Variants in CFAP57 observed in about 807,000 individuals in gnomAD.
CFAP57 encodes cilia and flagella associated protein 57, also known as cilia- and flagella-associated protein 57.
Under a neutral mutation model 146.8 loss-of-function variants are expected in CFAP57, and 116 were observed. The ratio of observed to expected loss-of-function variants is 0.79; its 90% confidence interval spans 0.68 to 0.92. CFAP57 has a LOEUF of 0.92. Among genes scored for constraint, CFAP57 ranks in the 40% least tolerant of loss-of-function variants. The probability of loss-of-function intolerance (pLI) is 0.00; values close to 1 mark genes in which losing one functional copy is unlikely to be tolerated. For synonymous variants in CFAP57, 518 were observed against 552.8 expected, an observed-to-expected ratio of 0.94 and a Z score of 0.88; for missense variants, 1,377 against 1,527.2, an observed-to-expected ratio of 0.90 and a Z score of 1.64.
chr1:43,234,705 G>A (rs1645620113), intron 21 of CFAP57, 67 bp downstream of exon 21: 2 of 1,491,478 alleles, frequency 1.3e-6, no homozygotes, highest in African/African-American at 1.4e-5. Flanking sequence ...CCCATCAAGG[G>A]TCCCTCTGAG....
intron 21 of CFAP57, 128 bp from the exon 22 acceptor site, chr1:43,243,099 A>G: frequency 2.7e-6 from 3 of 1,099,258 alleles, no homozygotes; most frequent in Non-Finnish European, 3.7e-6. Flanking sequence ...GCCCCAATAG[A>G]GGATCCAGAG....
At chr1:43,243,032 A>G (rs1645985982) in intron 21 of CFAP57, among the ~76,000 whole-genome samples, 195 bp from the exon 22 acceptor site, 1 of 152,124 alleles carries the variant, frequency 6.6e-6, no homozygotes, top group Non-Finnish European at 1.5e-5. Context: ...AGTCTACCCG[A>G]AAGTAAGTTA....
chr1:43,172,844 A>G lies in CFAP57; in HGVS notation c.91A>G (p.Ile31Val), dbSNP rs769131596. ...CTTCTACTTCGATGAACAGATCATT[A>G]TATTTCCTTCAGGAAATCACTGTGT... is the stretch of plus-strand genomic sequence containing the variant. ...NIFYFDEQII[I>V]FPSGNHCVKY... is the part of the protein sequence containing the mutation. The change falls in exon 2 of 23, where the codon ATA (isoleucine) becomes GTA (valine). Residue 31 changes from isoleucine to valine, a missense_variant. By Grantham distance (29) the Ile-to-Val change is conservative. Transcript: ENST00000372492. The G allele has an allele frequency of 5.6e-6, 9 of 1,614,012 alleles. No individual in the cohort carries two copies. Among genetic ancestry groups the G allele is most frequent in the Admixed American group, 5.0e-5 (3 of 60,010 alleles).
rs375252765 is a variant in CFAP57, at chr1:43,183,572, A to G, written c.475-19A>G. On this transcript the variant is annotated intron_variant, in intron 3 of 22. Transcript: ENST00000372492. Reference sequence around the variant, plus strand: ...ATAGTTTCATAAATTTTTTTCTTCAATTCTCTCACATTTTACAGGTGAGCT... The same window carrying G: ...ATAGTTTCATAAATTTTTTTCTTCAGTTCTCTCACATTTTACAGGTGAGCT... 3 of 1,612,672 alleles carry G rather than the reference A, an allele frequency of 1.9e-6. No individual in the cohort carries two copies. Among genetic ancestry groups the G allele is most frequent in the African/African-American group, 2.7e-5 (2 of 74,886 alleles).
chr1:43,224,420 G>A (rs548698501), intron 17 of CFAP57, among the ~76,000 whole-genome samples: 1 of 152,332 alleles, frequency 6.6e-6, no homozygotes, highest in African/African-American at 2.4e-5. Flanking sequence ...CAGGGGGCCT[G>A]AGAACCCAGT....
chr1:43,212,258 A>G (rs1644648629), intron 11 of CFAP57, among the ~76,000 whole-genome samples: 1 of 152,152 alleles, frequency 6.6e-6, no homozygotes, highest in Non-Finnish European at 1.5e-5. Flanking sequence ...ATCCCCACAA[A>G]GATCTCCATC....
chr1:43,172,402 G>C lies in CFAP57; in HGVS notation c.-71G>C, dbSNP rs755261363. 1.3e-6 allele frequency: 2 copies of C among 1,551,380 alleles called. No homozygotes were observed. Among genetic ancestry groups the C allele is most frequent in the South Asian group, 1.2e-5 (1 of 84,052 alleles). ...GTCCGGGTTGCTTAGGATCCCTACA[G>C]GTAGCGCCTCTGGATACATGCGTGG... is the stretch of plus-strand genomic sequence containing the variant. On this transcript the variant is annotated 5_prime_UTR_variant, in exon 1 of 23. Transcript: ENST00000372492.
At position 43,238,116 on chromosome 1, in the gene CFAP57, C is replaced by T. The variant is rs1380362935; in HGVS notation, c.3405+3478C>T. ...AACGGAGAAGGATTCCAGGATGGCT[C>T]ATTTGTGCAGTTAGGCAGATGGTGA... is the stretch of plus-strand genomic sequence containing the variant. On this transcript the variant is annotated intron_variant, in intron 21 of 22. Coordinates refer to ENST00000372492, the MANE Select transcript of CFAP57 (RefSeq NM_001378189.1). This position sits in a 1 kb window ranked among gnomAD's most constrained non-coding sequence, Gnocchi z 4.3. Among the ~76,000 whole-genome samples, 7 of 152,122 alleles carry T rather than the reference C, an allele frequency of 4.6e-5. No homozygotes were observed. The highest frequency in any genetic ancestry group is 4.6e-4 in the Admixed American group (7 of 15,290).
rs548730468 is a variant in CFAP57, at chr1:43,210,194, C to T, written c.1929+278C>T. 268 of 1,529,534 alleles carry T rather than the reference C, an allele frequency of 1.8e-4. 3 individuals are homozygous for T. In the South Asian group the frequency reaches 2.6e-3, roughly 15 times the overall value. The allele number at this position is 1,529,534 out of a possible 1,614,324, so 94.7% of individuals were successfully genotyped here. A position where few individuals can be genotyped will look rare whatever the true frequency, so the allele number is the denominator to read the frequency against. ...TAATAAGGGGCCGTTTGGTGGATGC[C>T]GTAGCTGCCGTGAGTGTGGGCTGCA... On this transcript the variant is annotated intron_variant, in intron 11 of 22. Transcript: ENST00000372492.
At position 43,222,256 on chromosome 1, in the gene CFAP57, C is replaced by G; in HGVS notation, c.2493C>G (p.Tyr831Ter). 2 of 1,472,642 alleles carry G rather than the reference C, an allele frequency of 1.4e-6. No homozygotes were observed. Among genetic ancestry groups the G allele is most frequent in the Non-Finnish European group, 1.8e-6 (2 of 1,107,686 alleles). 91.2% of individuals were successfully genotyped at this position (1,472,642 alleles called of 1,614,324 possible). Residue 831 changes from tyrosine (Y) to a stop codon, truncating the protein, a stop_gained, in exon 15 of 23, where the codon TAC (tyrosine) becomes TAG (stop). Coordinates refer to ENST00000372492, the MANE Select transcript of CFAP57 (RefSeq NM_001378189.1). LOFTEE classifies it high-confidence loss of function. ...SQALEELTEF[Y>*]EAKLQEKTTL... is the part of the protein sequence containing the mutation. ...CCCTGGAGGAGCTGACTGAGTTTTA[C>G]GAGGCAAAACTGCAGGAGAAAACCA... is the stretch of plus-strand genomic sequence containing the variant.
chr1:43,211,670 G>C (rs1644621726), intron 11 of CFAP57: 1 of 151,350 alleles, frequency 6.6e-6, no homozygotes, highest in African/African-American at 2.4e-5. Context: ...ATAAAATTAA[G>C]ATCATACTGT....
At chr1:43,202,201 T>C (rs1328037638) in intron 9 of CFAP57, among the ~76,000 whole-genome samples, 1 of 152,166 alleles carries the variant, frequency 6.6e-6, no homozygotes, top group East Asian at 1.9e-4. Flanking sequence ...TAAATACATA[T>C]ACTGTGTTAG....
chr1:43,229,061 G>A (rs1645367056), intron 18 of CFAP57, among the ~76,000 whole-genome samples: 1 of 148,896 alleles, frequency 6.7e-6, no homozygotes, highest in Non-Finnish European at 1.5e-5. Flanking sequence ...TGGGGTGGAG[G>A]GCACCAACGT....
intron 17 of CFAP57, 117 bp downstream of exon 17, chr1:43,224,321 G>C (rs1645160553): frequency 8.2e-7 from 1 of 1,218,024 alleles, no homozygotes; most frequent in Non-Finnish European, 1.1e-6. Context: ...TAACTTGATG[G>C]GGGAACCAGC....
intron 21 of CFAP57, among the ~76,000 whole-genome samples, chr1:43,235,294 A>G (rs1308232502): frequency 1.3e-5 from 2 of 152,124 alleles, no homozygotes; most frequent in Non-Finnish European, 2.9e-5. Context: ...GCCTCCACAC[A>G]GGCACGTTAT....
intron 2 of CFAP57, among the ~76,000 whole-genome samples, chr1:43,176,398 G>A (rs561638546): frequency 2.6e-5 from 4 of 152,286 alleles, no homozygotes; most frequent in African/African-American, 7.2e-5. Context: ...GGGTATTACC[G>A]GTGAAGGGAA....
intron 9 of CFAP57, among the ~76,000 whole-genome samples, chr1:43,206,133 T>C (rs912395896): frequency 3.3e-5 from 5 of 152,060 alleles, no homozygotes; most frequent in African/African-American, 1.2e-4. Context: ...GCTTATTATT[T>C]TTATTTTTAT....
At chr1:43,222,421 C>G (rs893235299) in intron 15 of CFAP57, 126 bp downstream of exon 15, 56 of 810,942 alleles carry the variant, frequency 6.9e-5, no homozygotes, top group Middle Eastern at 7.9e-4. Flanking sequence ...TGGTTTCTAC[C>G]CCCAAGGAAC....
At chr1:43,226,776 T>C (rs1557806569) in intron 17 of CFAP57, among the ~76,000 whole-genome samples, 1 of 152,216 alleles carries the variant, frequency 6.6e-6, no homozygotes, top group Non-Finnish European at 1.5e-5. Flanking sequence ...AGTGAATGCA[T>C]GAGAGTCCTT....
Sources: gnomAD v4.1 joint callset for allele counts (sites outside exome capture counted in the v4.1 genomes callset) on GRCh38, gnomAD v4.1.1 for gene constraint, Gnocchi (gnomAD v3.1) non-coding constraint, MANE v1.5 for transcripts, NCBI Gene and HGNC (gene_info 2026-07-23, HGNC 2026-07-21) for gene names.